KLF8: variants seen among roughly 807,000 people sequenced by gnomAD.
KLF8 encodes KLF transcription factor 8, also known as Krueppel-like factor 8.
A neutral mutation model predicts 18.2 loss-of-function variants in KLF8; 10 were observed. That is an observed-to-expected ratio of 0.55 (90% confidence interval 0.34 to 0.93). The LOEUF (loss-of-function observed/expected upper bound fraction) is 0.93, where lower values mean the gene tolerates loss of function less well. Ranked by LOEUF, KLF8 falls within the 40% of genes least tolerant of loss-of-function variation. The pLI, the probability that KLF8 is intolerant of heterozygous loss-of-function variation, is 0.02. For missense variants in KLF8, 264 were observed against 277.9 expected (o/e 0.95, Z 0.36); for synonymous variants, 109 against 97.3 (o/e 1.12, Z -0.71).
the KLF8 span, among the ~76,000 whole-genome samples, chrX:56,008,713 C>A: frequency 8.9e-6 from 1 of 112,117 alleles, no homozygotes; most frequent in Non-Finnish European, 1.9e-5. Flanking sequence ...TGAAGGGCAG[C>A]ACCCTCACTG....
At chrX:56,001,060 G>C in the KLF8 span, among the ~76,000 whole-genome samples, 2 of 112,027 alleles carry the variant, frequency 1.8e-5, no homozygotes, top group East Asian at 5.6e-4. Flanking sequence ...TCTGATATAT[G>C]GGCCTTATTG....
chrX:56,133,547 C>G, the KLF8 span, among the ~76,000 whole-genome samples: 1 of 111,705 alleles, frequency 9.0e-6, no homozygotes, highest in African/African-American at 3.3e-5. Context: ...GACAAACCCA[C>G]AGCCAACATA....
chrX:56,132,861 A>G, the KLF8 span, among the ~76,000 whole-genome samples: 1 of 111,638 alleles, frequency 9.0e-6, no homozygotes, highest in Non-Finnish European at 1.9e-5. Flanking sequence ...GAAATATGAA[A>G]GATCATTCAA....
At chrX:56,082,592 A>T in the KLF8 span, among the ~76,000 whole-genome samples, 3 of 110,249 alleles carry the variant, frequency 2.7e-5, no homozygotes, top group Admixed American at 2.9e-4. Context: ...AAGCATTTAC[A>T]GCTATAAATT....
chrX:55,969,599 A>G, the KLF8 span, among the ~76,000 whole-genome samples: 1 of 111,763 alleles, frequency 8.9e-6, no homozygotes, highest in African/African-American at 3.2e-5. Context: ...CAAAGAGCGG[A>G]AATACATGAA....
At chrX:56,065,719 T>C in the KLF8 span, among the ~76,000 whole-genome samples, 4 of 112,023 alleles carry the variant, frequency 3.6e-5, no homozygotes, top group Admixed American at 1.9e-4. Context: ...TTTTTAAAGA[T>C]GGATTTATGT....
the KLF8 span, among the ~76,000 whole-genome samples, chrX:55,984,905 G>A: frequency 4.6e-5 from 5 of 109,519 alleles, no homozygotes; most frequent in African/African-American, 1.7e-4. Flanking sequence ...ATGTTTCTTG[G>A]TTGCAGGAAT....
At chrX:56,181,602 G>A in the KLF8 span, among the ~76,000 whole-genome samples, 125 of 111,402 alleles carry the variant, frequency 1.1e-3, 1 homozygote, top group East Asian at 0.019. Context: ...AGCTGGTACC[G>A]GTTGTTCCTT....
the KLF8 span, among the ~76,000 whole-genome samples, chrX:56,164,751 CTTT>C: frequency 2.8e-5 from 1 of 35,959 alleles, no homozygotes; most frequent in African/African-American, 1.1e-4. Context: ...TTTTTTTTAA[CTTT>C]TTTTTTTTTT....
chrX:55,976,338 A>T, the KLF8 span, among the ~76,000 whole-genome samples: 1 of 110,960 alleles, frequency 9.0e-6, no homozygotes, highest in African/African-American at 3.3e-5. Flanking sequence ...CATAACTGAA[A>T]CTTTGTTCTT....
chrX:56,032,251 G>C, the KLF8 span, among the ~76,000 whole-genome samples: 29 of 111,503 alleles, frequency 2.6e-4, no homozygotes, highest in Non-Finnish European at 4.5e-4. Flanking sequence ...GTGATTACAG[G>C]CATGAGCCAC....
chrX:56,119,590 C>T, the KLF8 span, among the ~76,000 whole-genome samples: 5 of 109,718 alleles, frequency 4.6e-5, no homozygotes, highest in East Asian at 2.9e-4. Flanking sequence ...TTAGTAGAGA[C>T]GAGGTTTCAC....
intron 1 of KLF8, among the ~76,000 whole-genome samples, chrX:56,239,213 C>T (rs1368887086): frequency 9.0e-6 from 1 of 111,553 alleles, no homozygotes; most frequent in Non-Finnish European, 1.9e-5. Context: ...TCACACGGAC[C>T]TGGGATCTCA....
the KLF8 span, among the ~76,000 whole-genome samples, chrX:55,975,135 G>A: frequency 9.0e-6 from 1 of 111,619 alleles, no homozygotes; most frequent in African/African-American, 3.2e-5. Flanking sequence ...ACTAGAGGAG[G>A]CCACACAGGG....
At chrX:55,991,897 GTCT>G in the KLF8 span, among the ~76,000 whole-genome samples, 1 of 112,311 alleles carries the variant, frequency 8.9e-6, no homozygotes, top group Non-Finnish European at 1.9e-5. Flanking sequence ...CCACTTGTAT[GTCT>G]TCTTATGAGA....
At chrX:55,986,555 T>C in the KLF8 span, among the ~76,000 whole-genome samples, 1 of 112,073 alleles carries the variant, frequency 8.9e-6, no homozygotes, top group African/African-American at 3.2e-5. Flanking sequence ...CTGAAGATGT[T>C]TAATTCACTT....
At chrX:56,045,765 AT>A in the KLF8 span, among the ~76,000 whole-genome samples, 2 of 111,351 alleles carry the variant, frequency 1.8e-5, no homozygotes, top group East Asian at 5.7e-4. Context: ...TGTGTCCTGA[AT>A]TTTTGCTGAA....
the KLF8 span, among the ~76,000 whole-genome samples, chrX:56,134,702 C>G: frequency 9.0e-6 from 1 of 110,898 alleles, no homozygotes; most frequent in Non-Finnish European, 1.9e-5. Flanking sequence ...GAACAGTCAG[C>G]AGATTAAACA....
At chrX:56,036,536 A>G in the KLF8 span, among the ~76,000 whole-genome samples, 4 of 111,865 alleles carry the variant, frequency 3.6e-5, no homozygotes, top group Admixed American at 9.5e-5. Flanking sequence ...ACATTGCTCT[A>G]TGTTTCTGTT....
Sources: allele counts gnomAD v4.1 joint callset (sites outside exome capture counted in the v4.1 genomes callset), GRCh38; gene constraint gnomAD v4.1.1; transcripts MANE v1.5; gene names NCBI Gene and HGNC (gene_info 2026-07-23, HGNC 2026-07-21).